CEP128: variants seen among roughly 807,000 people sequenced by gnomAD.
CEP128 encodes the protein centrosomal protein 128kDa.
CEP128 carries 132 observed loss-of-function variants against 156.7 expected under a neutral mutation model. That is an observed-to-expected ratio of 0.84 (90% confidence interval 0.73 to 0.97). CEP128 has a LOEUF of 0.97. CEP128 is among the 50% of genes least tolerant of loss of function. CEP128 has a pLI of 0.00. For missense variants in CEP128, 1,252 were observed against 1,281.9 expected, an observed-to-expected ratio of 0.98 and a Z score of 0.36; for synonymous variants, 469 against 448.9, an observed-to-expected ratio of 1.04 and a Z score of -0.57.
intron 19 of CEP128, among the ~76,000 whole-genome samples, chr14:80,737,514 T>TA (rs1898598183): frequency 6.6e-6 from 1 of 152,160 alleles, no homozygotes; most frequent in Admixed American, 6.6e-5. Flanking sequence ...ATTTATCAAT[T>TA]AAAATCACTT....
chr14:80,583,486 C>T (rs1891675744), intron 19 of CEP128, among the ~76,000 whole-genome samples: 2 of 152,144 alleles, frequency 1.3e-5, no homozygotes, highest in Non-Finnish European at 2.9e-5. Context: ...CATCTTATCC[C>T]CCTGAGCATA....
intron 23 of CEP128, among the ~76,000 whole-genome samples, chr14:80,520,971 C>T (rs535438086): frequency 1.4e-4 from 21 of 151,286 alleles, no homozygotes; most frequent in South Asian, 1.0e-3. Flanking sequence ...TACAGGCACC[C>T]GCCACCACGC....
At chr14:80,553,584 C>T (rs888058201) in intron 21 of CEP128, among the ~76,000 whole-genome samples, 2 of 152,168 alleles carry the variant, frequency 1.3e-5, no homozygotes, top group African/African-American at 4.8e-5. Context: ...TAAGAAAACT[C>T]CCCTTACCTT....
rs553705512 is a variant in CEP128, at chr14:80,756,518, CT to C, written c.2613+373del. 2.2e-3 allele frequency among the ~76,000 whole-genome samples: 329 copies of C among 152,254 alleles called. 2 individuals are homozygous for C. Among genetic ancestry groups the C allele is most frequent in the African/African-American group, 7.7e-3 (318 of 41,568 alleles). ...TTTGCAAGGCCAAGTTTAAATATTG[CT>C]TTTTTCCAGAAGCTGTCTATGACAT... On this transcript the variant is annotated intron_variant, in intron 18 of 24. Coordinates refer to ENST00000555265, the MANE Select transcript of CEP128 (RefSeq NM_152446.5).
In CEP128 at chr14:80,600,825, T is replaced by C. The variant is rs191794471; in HGVS notation, c.2807-20402A>G. Among the ~76,000 whole-genome samples, 144 of 152,270 alleles carry C rather than the reference T, an allele frequency of 9.5e-4. No individual in the cohort carries two copies. In the South Asian group the frequency reaches 0.012, roughly 12 times the overall value. ...ATAATTATAAGTCTGAGTTGATACA[T>C]ATACAGTATATGATATAATCTGTAT... On this transcript the variant is annotated intron_variant, in intron 19 of 24. Coordinates refer to ENST00000555265, the MANE Select transcript of CEP128 (RefSeq NM_152446.5).
At chr14:80,890,286 A>C (rs1249666925) in intron 8 of CEP128, among the ~76,000 whole-genome samples, 1 of 152,246 alleles carries the variant, frequency 6.6e-6, no homozygotes, top group African/African-American at 2.4e-5. Flanking sequence ...GTGTATACCC[A>C]AAGAATTATA....
At chr14:80,891,208 T>C (rs1566697104) in intron 8 of CEP128, among the ~76,000 whole-genome samples, 2 of 152,096 alleles carry the variant, frequency 1.3e-5, no homozygotes, top group African/African-American at 2.4e-5. Flanking sequence ...GCTAGGTATA[T>C]ACCCAAAACA....
intron 9 of CEP128, among the ~76,000 whole-genome samples, chr14:80,856,394 C>T (rs1887158974): frequency 6.6e-6 from 1 of 152,084 alleles, no homozygotes; most frequent in African/African-American, 2.4e-5. Flanking sequence ...ACCTGTAATC[C>T]CAGCAAGTTG....
At chr14:80,955,958 G>A (rs1594884643) in intron 2 of CEP128, 2 of 1,297,794 alleles carry the variant, frequency 1.5e-6, no homozygotes, top group East Asian at 4.7e-5. Flanking sequence ...TAGTGTGTGA[G>A]TGTGTGTATG....
At chr14:80,821,443 C>A (rs1885164884) in intron 13 of CEP128, among the ~76,000 whole-genome samples, 1 of 152,086 alleles carries the variant, frequency 6.6e-6, no homozygotes, top group Non-Finnish European at 1.5e-5. Flanking sequence ...TTAGTGCCAC[C>A]CTTTTTTCCA....
chr14:80,805,656 G>A (rs957562859), intron 13 of CEP128, among the ~76,000 whole-genome samples: 1 of 152,168 alleles, frequency 6.6e-6, no homozygotes, highest in African/African-American at 2.4e-5. Context: ...ATGCTTGCAT[G>A]TCTTGATGAA....
intron 14 of CEP128, among the ~76,000 whole-genome samples, chr14:80,481,098 T>G (rs752110235): frequency 1.3e-5 from 2 of 152,078 alleles, no homozygotes; most frequent in Non-Finnish European, 2.9e-5. Flanking sequence ...TTTCAGCAAC[T>G]CCCCACTCTG....
intron 2 of CEP128, among the ~76,000 whole-genome samples, chr14:80,938,532 C>A (rs1885962617): frequency 6.6e-6 from 1 of 152,124 alleles, no homozygotes; most frequent in African/African-American, 2.4e-5. Flanking sequence ...CAGGCGTGAG[C>A]CACCGCGCCC....
chr14:80,623,198 C>G (rs1160274937), intron 19 of CEP128, among the ~76,000 whole-genome samples: 17 of 151,562 alleles, frequency 1.1e-4, no homozygotes, highest in Middle Eastern at 3.4e-3. Context: ...TCTCAGTAAA[C>G]TGTCGCAAGG....
downstream of CEP128, among the ~76,000 whole-genome samples, chr14:80,486,611 G>A (rs1887171879): frequency 6.6e-6 from 1 of 152,190 alleles, no homozygotes; most frequent in African/African-American, 2.4e-5. Context: ...GTTAAGGGCA[G>A]CCAGAGAGAA....
At chr14:80,864,548 A>G (rs1887674737) in intron 8 of CEP128, among the ~76,000 whole-genome samples, 1 of 152,008 alleles carries the variant, frequency 6.6e-6, no homozygotes, top group South Asian at 2.1e-4. Context: ...TATACTTGGA[A>G]GATTGTTTCT....
downstream of CEP128, among the ~76,000 whole-genome samples, chr14:80,494,591 G>A (rs1433096724): frequency 6.6e-6 from 1 of 152,054 alleles, no homozygotes; most frequent in Non-Finnish European, 1.5e-5. Context: ...ATACAGATTA[G>A]AGAAAATGTT....
Position 80,905,009 on chromosome 14 carries a change from C to T in CEP128, c.362-78G>A, listed in dbSNP as rs1350924650. Reference sequence around the variant, plus strand: ...AATCTAAAATTTTACTCAGTACAAACATGGCAGACATGGATATACATATAT... The same window carrying T: ...AATCTAAAATTTTACTCAGTACAAATATGGCAGACATGGATATACATATAT... On this transcript the variant is annotated intron_variant, in intron 5 of 24. Transcript: ENST00000555265. The T allele has an allele frequency of 2.5e-5, 20 of 813,758 alleles. No homozygotes were observed. In the South Asian group the frequency reaches 2.8e-4, roughly 11 times the overall value. 50.4% of individuals were successfully genotyped at this position (813,758 alleles called of 1,614,324 possible).
At chr14:80,806,923 T>C (rs1400554187) in intron 13 of CEP128, among the ~76,000 whole-genome samples, 3 of 152,080 alleles carry the variant, frequency 2.0e-5, no homozygotes, top group African/African-American at 4.8e-5. Flanking sequence ...TGAAAGAGAA[T>C]AGACACATTA....
Sources: gnomAD v4.1 joint callset for allele counts (sites outside exome capture counted in the v4.1 genomes callset) on GRCh38, gnomAD v4.1.1 for gene constraint, MANE v1.5 for transcripts, NCBI Gene and HGNC (gene_info 2026-07-23, HGNC 2026-07-21) for gene names.